The following FOLH1 variants were observed in gnomAD, a reference collection of about 807,000 sequenced individuals.
FOLH1 encodes folate hydrolase 1, also known as glutamate carboxypeptidase 2.
A neutral mutation model predicts 93.9 loss-of-function variants in FOLH1; 54 were observed. The observed-to-expected ratio is 0.57, with a 90% CI of 0.46 to 0.72. The LOEUF (loss-of-function observed/expected upper bound fraction) is 0.72, where lower values mean the gene tolerates loss of function less well. FOLH1 is among the 30% of genes least tolerant of loss of function. FOLH1 has a pLI of 0.00. For synonymous variants in FOLH1, 249 were observed against 303.6 expected (o/e 0.82, Z 1.87); for missense variants, 571 against 892.5 (o/e 0.64, Z 4.59).
Position 49,175,758 on chromosome 11 carries a change from T to C in FOLH1, c.1019+101A>G. On this transcript the variant is annotated intron_variant, in intron 8 of 18. Transcript: ENST00000256999. ...GGTTCTAACTTGCAGTTTTGTTTCC[T>C]GCTGGTATTACATAAATTTTACTTT... is the stretch of plus-strand genomic sequence containing the variant. 5 of 993,300 alleles carry C rather than the reference T, an allele frequency of 5.0e-6. No homozygotes were observed. The South Asian group carries it at 7.1e-5, about 14-fold the overall frequency. 61.5% of individuals were successfully genotyped at this position (993,300 alleles called of 1,614,324 possible). A position where few individuals can be genotyped will look rare whatever the true frequency, so the allele number is the denominator to read the frequency against.
intron 7 of FOLH1, among the ~76,000 whole-genome samples, chr11:49,181,693 T>C (rs1860756581): frequency 6.6e-6 from 1 of 152,164 alleles, no homozygotes; most frequent in Non-Finnish European, 1.5e-5. Flanking sequence ...TCTTTATTTA[T>C]ACATATTTTT....
chr11:49,197,288 T>C (rs1862725103), intron 3 of FOLH1, among the ~76,000 whole-genome samples: 1 of 152,208 alleles, frequency 6.6e-6, no homozygotes, highest in South Asian at 2.1e-4. Flanking sequence ...TTATGAGCTA[T>C]TCTAACAAGT....
chr11:49,181,697 T>A lies in FOLH1; in HGVS notation c.920+1452A>T, dbSNP rs571107460. 2.5e-3 allele frequency among the ~76,000 whole-genome samples: 379 copies of A among 152,286 alleles called. 4 individuals carry two copies. The highest frequency in any genetic ancestry group is 0.014 in the Middle Eastern group (4 of 294). ...TGAATACTTAGTCTTTATTTATACATATTTTTAGGCAAATGCATAGTCTAT... is the reference window on the plus strand; with the variant it reads ...TGAATACTTAGTCTTTATTTATACAAATTTTTAGGCAAATGCATAGTCTAT... On this transcript the variant is annotated intron_variant, in intron 7 of 18. Transcript: ENST00000256999.
chr11:49,187,042 C>CA (rs1861475685), intron 4 of FOLH1, among the ~76,000 whole-genome samples: 2 of 151,078 alleles, frequency 1.3e-5, no homozygotes, highest in East Asian at 2.0e-4. Flanking sequence ...AGCACCCCCC[C>CA]CACACACACA....
At chr11:49,163,861 C>T (rs1028602556) in intron 13 of FOLH1, among the ~76,000 whole-genome samples, 3 of 151,976 alleles carry the variant, frequency 2.0e-5, no homozygotes, top group African/African-American at 4.8e-5. Context: ...CTGACCTAAG[C>T]GTTGCAAAGA....
intron 7 of FOLH1, among the ~76,000 whole-genome samples, chr11:49,181,603 G>T (rs1483294377): frequency 6.6e-6 from 1 of 152,004 alleles, no homozygotes; most frequent in Non-Finnish European, 1.5e-5. Context: ...AATTGTTGAA[G>T]ATTTGTGTTG....
At chr11:49,154,636 T>G (rs1856820955) in intron 15 of FOLH1, 144 bp from the exon 16 acceptor site, 1 of 1,447,918 alleles carries the variant, frequency 6.9e-7, no homozygotes, top group African/African-American at 1.4e-5. Context: ...ACATCCTAAA[T>G]GGCTAATATT....
At chr11:49,201,141 A>G (rs1188148599) in intron 2 of FOLH1, among the ~76,000 whole-genome samples, 1 of 151,510 alleles carries the variant, frequency 6.6e-6, no homozygotes, top group Admixed American at 6.6e-5. Context: ...GGTGCTTTTG[A>G]TTGTTTTAAA....
At chr11:49,171,052 C>G in intron 11 of FOLH1, 143 bp downstream of exon 11, 1 of 912,726 alleles carries the variant, frequency 1.1e-6, no homozygotes, top group South Asian at 2.9e-5. Context: ...GATTTTTGAA[C>G]AAGAATATGT....
chr11:49,194,147 A>C (rs1862377829), intron 3 of FOLH1, among the ~76,000 whole-genome samples: 1 of 151,672 alleles, frequency 6.6e-6, no homozygotes. Context: ...AAAAAAAAAA[A>C]AAAAAAAAGA....
rs868855123 is a variant in FOLH1 at position 49,178,581 on chromosome 11, A to G, written c.921-2624T>C. Among the ~76,000 whole-genome samples the G allele has an allele frequency of 6.6e-5, 10 of 152,322 alleles. No homozygotes were observed. In the Middle Eastern group the frequency reaches 0.01, roughly 156 times the overall value. On this transcript the variant is annotated intron_variant, in intron 7 of 18. Coordinates refer to ENST00000256999, the MANE Select transcript of FOLH1 (RefSeq NM_004476.3). ...AAAAAAATAATGCACATACATGGAG[A>G]AGTTTCAGTTGAAAAATGTTACTGA...
intron 3 of FOLH1, among the ~76,000 whole-genome samples, chr11:49,194,294 T>C (rs1371196721): frequency 1.3e-5 from 2 of 151,948 alleles, no homozygotes; most frequent in African/African-American, 2.4e-5. Context: ...GTTTATATAG[T>C]ATGCCTCAAG....
At chr11:49,192,941 A>G (rs1334138018) in intron 3 of FOLH1, 47 bp from the exon 4 acceptor site, 1 of 1,486,620 alleles carries the variant, frequency 6.7e-7, no homozygotes, top group Non-Finnish European at 9.1e-7. Flanking sequence ...TTAAAGTTTG[A>G]TTACTGTAAT....
chr11:49,207,813 T>C (rs1225025498), intron 1 of FOLH1: 2 of 450,022 alleles, frequency 4.4e-6, no homozygotes, highest in East Asian at 6.9e-5. Context: ...TGCAAATCAG[T>C]ACCCAGGAAA....
chr11:49,206,839 T>A (rs1243520713), intron 1 of FOLH1: 3 of 1,521,484 alleles, frequency 2.0e-6, no homozygotes, highest in Non-Finnish European at 2.6e-6. Flanking sequence ...GATAGCTAGA[T>A]CCTGCAGTCA....
intron 2 of FOLH1, among the ~76,000 whole-genome samples, chr11:49,204,432 T>G (rs1590706886): frequency 6.6e-6 from 1 of 152,074 alleles, no homozygotes; most frequent in South Asian, 2.1e-4. Flanking sequence ...TAACTTGGAG[T>G]AACTTGGATC....
In FOLH1 at chr11:49,146,708, T is replaced by C; in HGVS notation, c.*48A>G. The C allele has an allele frequency of 6.5e-7, 1 of 1,536,278 alleles. No homozygotes were observed. Among genetic ancestry groups the C allele is most frequent in the African/African-American group, 1.4e-5 (1 of 72,264 alleles). ...TCAATATACCCATTACGATTCTTTC[T>C]GAGTGACATACCACACAAATTCAAT... On this transcript the variant is annotated 3_prime_UTR_variant, in exon 19 of 19. Coordinates refer to ENST00000256999, the MANE Select transcript of FOLH1 (RefSeq NM_004476.3).
intron 12 of FOLH1, among the ~76,000 whole-genome samples, chr11:49,167,061 A>G (rs1177684185): frequency 6.6e-6 from 1 of 152,110 alleles, no homozygotes; most frequent in African/African-American, 2.4e-5. Context: ...AAAAACAGAA[A>G]AAAACTATCA....
intron 12 of FOLH1, 75 bp downstream of exon 12, chr11:49,169,120 T>C (rs1858863220): frequency 6.6e-7 from 1 of 1,508,696 alleles, no homozygotes; most frequent in Non-Finnish European, 9.2e-7. Context: ...CCTTCCTTGT[T>C]AGTGCATAAT....
Sources: allele counts gnomAD v4.1 joint callset (sites outside exome capture counted in the v4.1 genomes callset), GRCh38; gene constraint gnomAD v4.1.1; transcripts MANE v1.5; gene names NCBI Gene and HGNC (gene_info 2026-07-23, HGNC 2026-07-21).